Variants in SBNO1 observed in about 807,000 individuals in gnomAD.
The protein encoded by SBNO1 is protein strawberry notch homolog 1.
Under a neutral mutation model 173.6 loss-of-function variants are expected in SBNO1, and 23 were observed. That is an observed-to-expected ratio of 0.13 (90% CI 0.10 to 0.19). The LOEUF (loss-of-function observed/expected upper bound fraction) is 0.19. Ranked by LOEUF, SBNO1 falls within the 10% of genes least tolerant of loss-of-function variation. SBNO1 has a pLI of 1.00. For missense variants in SBNO1, 1,238 were observed against 1,671.2 expected, an observed-to-expected ratio of 0.74 and a Z score of 4.52; for synonymous variants, 632 against 571.5, an observed-to-expected ratio of 1.11 and a Z score of -1.51.
intron 22 of SBNO1, 40 bp downstream of exon 22, chr12:123,315,508 G>A: frequency 6.3e-7 from 1 of 1,582,976 alleles, no homozygotes; most frequent in Non-Finnish European, 8.7e-7. Flanking sequence ...AGGTACAATA[G>A]ATCATCATTT....
rs1032993496 is a variant in SBNO1, at chr12:123,355,026, T to C, written c.1-4585A>G. On this transcript the variant is annotated intron_variant, in intron 1 of 31. Transcript: ENST00000602398. Reference sequence around the variant, plus strand: ...GCAACAAAGGGAGACCCTGTTTCTTTTTCTTTTTTTTTGAGGCAGAGTCTT... The same window carrying C: ...GCAACAAAGGGAGACCCTGTTTCTTCTTCTTTTTTTTTGAGGCAGAGTCTT... Among the ~76,000 whole-genome samples the C allele has an allele frequency of 2.6e-5, 4 of 151,944 alleles. 1 individual carries two copies. Among genetic ancestry groups the C allele is most frequent in the South Asian group, 4.2e-4 (2 of 4,810 alleles).
intron 10 of SBNO1, 132 bp downstream of exon 10, chr12:123,328,602 G>T: frequency 3.1e-6 from 2 of 645,260 alleles, no homozygotes; most frequent in South Asian, 3.8e-5. Flanking sequence ...CAATCCCTTT[G>T]GACTCTAGGT....
In SBNO1 at chr12:123,302,832, A is replaced by G. The variant is rs747227851; in HGVS notation, c.3837T>C (p.His1279=). 4 of 1,612,392 alleles carry G rather than the reference A, an allele frequency of 2.5e-6. No individual in the cohort carries two copies. Among genetic ancestry groups the G allele is most frequent in the Non-Finnish European group, 3.4e-6 (4 of 1,178,830 alleles). Residue 1279 remains histidine, a synonymous_variant, in exon 30 of 32, where the codon CAT becomes CAC. Coordinates refer to ENST00000602398, the MANE Select transcript of SBNO1 (RefSeq NM_001167856.3). ...AACACGAAAATACTAACCAATAAGC[A>G]TGAGTACAAGTATCTGCAGATGAAT... ...QYNSSADTCT[H]AYWRGNCKKA...
chr12:123,326,141 C>G lies in SBNO1; in HGVS notation c.1875+11G>C, dbSNP rs759594672. On this transcript the variant is annotated intron_variant, in intron 14 of 31. Coordinates refer to ENST00000602398, the MANE Select transcript of SBNO1 (RefSeq NM_001167856.3). ...CCCCCAAACAATCTCTTAATGAGTT[C>G]TTCTACTTACTTTTCCATTCTTGAT... The G allele has an allele frequency of 8.2e-6, 13 of 1,584,614 alleles. 1 individual carries two copies. In the East Asian group the frequency reaches 2.5e-4, roughly 30 times the overall value.
Position 123,321,672 on chromosome 12 carries a change from C to T in SBNO1, c.2186G>A (p.Ser729Asn), listed in dbSNP as rs1060105. The part of the protein sequence containing the change: ...ARKVGGLTGS[S>N]SDDSGSESDA... Reference sequence around the variant, plus strand: ...AGATTCACTTCCACTGTCGTCAGAACTGCTACCAGTAAGGCCACCTACTTT... The same window carrying T: ...AGATTCACTTCCACTGTCGTCAGAATTGCTACCAGTAAGGCCACCTACTTT... The change falls in exon 17 of 32, where the codon AGT becomes AAT. Residue 729 changes from serine (S) to asparagine (N), a missense_variant. Transcript: ENST00000602398. The T allele has an allele frequency of 0.19, 314,234 of 1,613,612 alleles. 32,584 individuals carry two copies. The highest frequency in any genetic ancestry group is 0.23 in the Middle Eastern group (1,377 of 6,062).
chr12:123,331,451 G>A (rs1469074769), intron 7 of SBNO1, 76 bp from the exon 8 acceptor site: 3 of 1,256,358 alleles, frequency 2.4e-6, no homozygotes, highest in Non-Finnish European at 3.2e-6. Flanking sequence ...ACTGTTTTAG[G>A]AGTAGGAATA....
At chr12:123,310,362 T>C (rs1217879112) in intron 25 of SBNO1, among the ~76,000 whole-genome samples, 1 of 151,568 alleles carries the variant, frequency 6.6e-6, no homozygotes, top group Non-Finnish European at 1.5e-5. Flanking sequence ...GCCTCCTGAG[T>C]AGCTGGGATT....
At chr12:123,332,361 G>A (rs1416259334) in intron 7 of SBNO1, among the ~76,000 whole-genome samples, 1 of 151,546 alleles carries the variant, frequency 6.6e-6, no homozygotes, top group Non-Finnish European at 1.5e-5. Context: ...GCACAATCTC[G>A]GCTCACCGCA....
chr12:123,317,396 A>T (rs1261346370), intron 20 of SBNO1, 40 bp from the exon 21 acceptor site: 2 of 1,602,564 alleles, frequency 1.2e-6, no homozygotes, highest in African/African-American at 1.3e-5. Context: ...CTTTTGCATA[A>T]GAACAAGCAG....
rs1366825894 is a variant in SBNO1, at chr12:123,291,864, T to C, written c.*4044A>G. On this transcript the variant is annotated 3_prime_UTR_variant, in exon 32 of 32. Coordinates refer to ENST00000602398, the MANE Select transcript of SBNO1 (RefSeq NM_001167856.3). ...CTCTATATATACATTTATGTACATA[T>C]ATATAAATACAGCACAAAATTAGAG... 1 of 152,036 alleles carries C rather than the reference T, an allele frequency of 6.6e-6. No individual in the cohort carries two copies. The highest frequency in any genetic ancestry group is 1.5e-5 in the Non-Finnish European group (1 of 68,006). The allele number at this position is 152,036 out of a possible 1,614,324, so 9.4% of individuals were successfully genotyped here. A position where few individuals can be genotyped will look rare whatever the true frequency, so the allele number is the denominator to read the frequency against.
chr12:123,320,539 T>C lies in SBNO1; in HGVS notation c.2560A>G (p.Met854Val). 1 of 1,614,160 alleles carries C rather than the reference T, an allele frequency of 6.2e-7. No homozygotes were observed. Among genetic ancestry groups the C allele is most frequent in the Non-Finnish European group, 8.5e-7 (1 of 1,180,000 alleles). The change falls in exon 19 of 32, where the codon ATG becomes GTG. Residue 854 changes from methionine to valine, a missense_variant. This residue lies in a region of SBNO1 where 74 missense variants were observed against 68.5 expected (regional missense o/e 1.08). Coordinates refer to ENST00000602398, the MANE Select transcript of SBNO1 (RefSeq NM_001167856.3). ...AGCTTATCAAGCAGGTCTTTCTTCA[T>C]CTGCTGAGCCCTTTCCACAGCATCC... is the stretch of plus-strand genomic sequence containing the variant. ...SQDAVERAQQMKKDLLDKLEK... is the reference protein window; with the variant it reads ...SQDAVERAQQVKKDLLDKLEK...
Position 123,364,783 on chromosome 12 carries a change from G to T in SBNO1, c.-83C>A. 1 of 987,930 alleles carries T rather than the reference G, an allele frequency of 1.0e-6. No individual in the cohort carries two copies. The highest frequency in any genetic ancestry group is 1.2e-6 in the Non-Finnish European group (1 of 831,968). 61.2% of individuals were successfully genotyped at this position (987,930 alleles called of 1,614,324 possible). ...ACCAGAGGCGACTGGAGCGGAGGCG[G>T]CGGTGGCGGCGGCAGCAGCGGCGTC... On this transcript the variant is annotated 5_prime_UTR_variant, in exon 1 of 32. Coordinates refer to ENST00000602398, the MANE Select transcript of SBNO1 (RefSeq NM_001167856.3).
chr12:123,321,374 C>T (rs1003018040), intron 17 of SBNO1, among the ~76,000 whole-genome samples, 161 bp downstream of exon 17: 1 of 152,162 alleles, frequency 6.6e-6, no homozygotes, highest in Non-Finnish European at 1.5e-5. Context: ...ATATATGAGG[C>T]TCAAACTTCC....
In SBNO1 at chr12:123,298,154, T is replaced by C. The variant is rs2048667072; in HGVS notation, c.3863A>G (p.Lys1288Arg). 1 of 1,612,874 alleles carries C rather than the reference T, an allele frequency of 6.2e-7. No individual in the cohort carries two copies. Among genetic ancestry groups the C allele is most frequent in the Non-Finnish European group, 8.5e-7 (1 of 1,179,768 alleles). Residue 1288 changes from lysine (K) to arginine (R), a missense_variant, in exon 31 of 32, where the codon AAA (lysine) becomes AGA (arginine). Lys to Arg is a conservative substitution (Grantham distance 26, BLOSUM62 2). Coordinates refer to ENST00000602398, the MANE Select transcript of SBNO1 (RefSeq NM_001167856.3). ...TTCACAAACTAGCCCCAAGCTTGCT[T>C]TTTTGCAATTGCCGCGCCTAAGAAA... ...THAYWRGNCK[K>R]ASLGLVCEIG...
intron 5 of SBNO1, among the ~76,000 whole-genome samples, chr12:123,340,507 G>A (rs1872407286): frequency 6.7e-6 from 1 of 150,228 alleles, no homozygotes; most frequent in Non-Finnish European, 1.5e-5. Context: ...CTTGAACCTG[G>A]GAGGTGGAGG....
intron 3 of SBNO1, among the ~76,000 whole-genome samples, chr12:123,347,146 G>A (rs1427252556): frequency 6.6e-6 from 1 of 151,664 alleles, no homozygotes; most frequent in Admixed American, 6.6e-5. Flanking sequence ...GTAGGATATT[G>A]GGAAAGCGGC....
intron 4 of SBNO1, among the ~76,000 whole-genome samples, chr12:123,344,826 G>A (rs1238759391): frequency 1.3e-5 from 2 of 152,162 alleles, no homozygotes; most frequent in East Asian, 1.9e-4. Flanking sequence ...TCCAGTCTGG[G>A]TGACAGACTG....
At chr12:123,302,403 G>A (rs979218805) in intron 30 of SBNO1, among the ~76,000 whole-genome samples, 8 of 151,614 alleles carry the variant, frequency 5.3e-5, no homozygotes, top group Non-Finnish European at 1.0e-4. Flanking sequence ...CCATCACACC[G>A]GCTAATTGTT....
Position 123,345,507 on chromosome 12 carries a change from A to C in SBNO1, c.301T>G (p.Ser101Ala). 6.2e-7 allele frequency: 1 copy of C among 1,614,056 alleles called. No individual in the cohort carries two copies. Among genetic ancestry groups the C allele is most frequent in the Middle Eastern group, 1.7e-4 (1 of 6,060 alleles). ...NQINHLPPLG[S>A]TIVMTKTPPV... Reference sequence around the variant, plus strand: ...GGTGTTTTAGTCATTACAATTGTAGATCCCAAGGGTGGAAGATGATTTATT... The same window carrying C: ...GGTGTTTTAGTCATTACAATTGTAGCTCCCAAGGGTGGAAGATGATTTATT... Residue 101 changes from serine (S) to alanine (A), a missense_variant, in exon 4 of 32, where the codon TCT (serine) becomes GCT (alanine). This residue lies in a region of SBNO1 where 287 missense variants were observed against 274.1 expected (regional missense o/e 1.05). Transcript: ENST00000602398.
Sources: gnomAD v4.1 joint callset for allele counts (sites outside exome capture counted in the v4.1 genomes callset) on GRCh38, gnomAD v4.1.1 for gene constraint, gnomAD v4.1.1 regional missense constraint, MANE v1.5 for transcripts, NCBI Gene and HGNC (gene_info 2026-07-23, HGNC 2026-07-21) for gene names.